The following RABGAP1 variants were observed in gnomAD, a reference collection of about 807,000 sequenced individuals.
RABGAP1 encodes the protein rab GTPase-activating protein 1.
RABGAP1 carries 23 observed loss-of-function variants against 137.6 expected under a neutral mutation model. That is an observed-to-expected ratio of 0.17 (90% CI 0.12 to 0.24). The LOEUF (loss-of-function observed/expected upper bound fraction) is 0.24, where lower values mean the gene tolerates loss of function less well. Among genes scored for constraint, RABGAP1 ranks in the 10% least tolerant of loss-of-function variants. The pLI is 1.00. For synonymous variants in RABGAP1, 451 were observed against 450.7 expected (o/e 1.00, Z -0.01); for missense variants, 906 against 1,275.8 (o/e 0.71, Z 4.42).
At chr9:122,999,885 A>T (rs1446346325) in intron 10 of RABGAP1, among the ~76,000 whole-genome samples, 2 of 151,654 alleles carry the variant, frequency 1.3e-5, no homozygotes, top group South Asian at 4.2e-4. Context: ...TTTTCTTCAG[A>T]TGGGATACTT....
At chr9:123,028,250 TA>T (rs1381906027) in intron 13 of RABGAP1, among the ~76,000 whole-genome samples, 1 of 152,166 alleles carries the variant, frequency 6.6e-6, no homozygotes, top group Non-Finnish European at 1.5e-5. Context: ...GTTTATTCAA[TA>T]AAAAATACCT....
intron 2 of RABGAP1, among the ~76,000 whole-genome samples, chr9:122,957,884 CT>C (rs143569135): frequency 0.24 from 31,302 of 132,892 alleles, 4,370 homozygotes; most frequent in East Asian, 0.65. Context: ...AGCTTTAATT[CT>C]TTTTTTTTTT....
chr9:123,098,532 C>T (rs192968000), intron 22 of RABGAP1, among the ~76,000 whole-genome samples, 183 bp from the exon 23 acceptor site: 46 of 152,302 alleles, frequency 3.0e-4, no homozygotes, highest in African/African-American at 1.0e-3. Context: ...ACTGTTCTCT[C>T]CCTCTCCTGC....
In RABGAP1 at chr9:123,098,772, A is replaced by C; in HGVS notation, c.2791A>C (p.Ser931Arg). 2 of 1,613,850 alleles carry C rather than the reference A, an allele frequency of 1.2e-6. No homozygotes were observed. Among genetic ancestry groups the C allele is most frequent in the Non-Finnish European group, 1.7e-6 (2 of 1,179,824 alleles). ...DKAESEIKKN[S>R]SIIGDYKQIC... ...GGCAGAATCTGAGATTAAAAAAAAC[A>C]GTTCTATCATTGGTGACTATAAGCA... Residue 931 changes from serine (S) to arginine (R), a missense_variant, in exon 23 of 26, where the codon AGT becomes CGT. This residue lies in a region of RABGAP1 where 193 missense variants were observed against 248.1 expected (regional missense o/e 0.78). Transcript: ENST00000373647.
At chr9:123,011,669 G>A (rs777021554) in intron 11 of RABGAP1, among the ~76,000 whole-genome samples, 6 of 152,082 alleles carry the variant, frequency 3.9e-5, no homozygotes, top group Non-Finnish European at 8.8e-5. Context: ...GCACATAAAT[G>A]GAATCTGGCC....
chr9:123,093,872 C>G (rs1018496952), intron 21 of RABGAP1, among the ~76,000 whole-genome samples: 12 of 152,216 alleles, frequency 7.9e-5, no homozygotes, highest in Non-Finnish European at 2.9e-5. Flanking sequence ...TTGGGGAGAA[C>G]TGACATCTGA....
At chr9:122,976,306 G>C (rs1835757520) in intron 2 of RABGAP1, among the ~76,000 whole-genome samples, 1 of 152,076 alleles carries the variant, frequency 6.6e-6, no homozygotes, top group Non-Finnish European at 1.5e-5. Flanking sequence ...GTAATTCTTA[G>C]TTGTACTATT....
At chr9:122,989,530 T>G in intron 5 of RABGAP1, 59 bp downstream of exon 5, 1 of 1,508,938 alleles carries the variant, frequency 6.6e-7, no homozygotes, top group Non-Finnish European at 9.2e-7. Context: ...CTCACTAGGT[T>G]GAAATGATTA....
intron 4 of RABGAP1, among the ~76,000 whole-genome samples, chr9:122,988,523 C>T (rs1396796396): frequency 7.2e-6 from 1 of 138,832 alleles, no homozygotes; most frequent in African/African-American, 2.6e-5. Flanking sequence ...GAGGAGTTAA[C>T]ATTTTGTATA....
chr9:122,935,431 G>C, the RABGAP1 span, among the ~76,000 whole-genome samples: 1 of 151,852 alleles, frequency 6.6e-6, no homozygotes, highest in Non-Finnish European at 1.5e-5. Flanking sequence ...TCTGCCTCCC[G>C]GGTTCAATTG....
At chr9:122,992,739 G>A (rs1457398929) in intron 6 of RABGAP1, among the ~76,000 whole-genome samples, 1 of 147,886 alleles carries the variant, frequency 6.8e-6, no homozygotes, top group Non-Finnish European at 1.5e-5. Context: ...TATAAATTAT[G>A]TAATAGTTAT....
At chr9:123,020,047 T>G (rs1367950171) in intron 12 of RABGAP1, among the ~76,000 whole-genome samples, 4 of 151,990 alleles carry the variant, frequency 2.6e-5, no homozygotes, top group East Asian at 1.9e-4. Context: ...GCTTTTTTTT[T>G]TTTTTTTTTT....
At chr9:123,091,556 A>G (rs941815117) in intron 21 of RABGAP1, among the ~76,000 whole-genome samples, 1 of 152,116 alleles carries the variant, frequency 6.6e-6, no homozygotes, top group Non-Finnish European at 1.5e-5. Context: ...ACCTTGTAAA[A>G]TGAGGGGTGG....
intron 11 of RABGAP1, among the ~76,000 whole-genome samples, chr9:123,010,779 T>C (rs1302779035): frequency 1.3e-5 from 2 of 152,198 alleles, no homozygotes; most frequent in African/African-American, 4.8e-5. Flanking sequence ...ATCAGTGTAG[T>C]GCTAGCTTGG....
chr9:123,086,057 C>G lies in RABGAP1; in HGVS notation c.2425-3701C>G, dbSNP rs533387228. Among the ~76,000 whole-genome samples the G allele has an allele frequency of 5.9e-5, 9 of 152,262 alleles. No individual in the cohort carries two copies. In the East Asian group the frequency reaches 1.5e-3, roughly 26 times the overall value. ...GGAAGACAGACAATTAAGTAGAAAC[C>G]TAAGTAATCGTGAGCTTGGATTGGT... On this transcript the variant is annotated intron_variant, in intron 19 of 25. Transcript: ENST00000373647.
At chr9:122,997,921 A>G (rs548922512) in intron 9 of RABGAP1, among the ~76,000 whole-genome samples, 2 of 152,294 alleles carry the variant, frequency 1.3e-5, no homozygotes, top group East Asian at 3.9e-4. Flanking sequence ...TGTTATTAAT[A>G]GCACTATAGA....
chr9:123,011,212 A>G (rs890476480), intron 11 of RABGAP1, among the ~76,000 whole-genome samples: 2 of 152,232 alleles, frequency 1.3e-5, no homozygotes, highest in East Asian at 1.9e-4. Flanking sequence ...CCATGCATCT[A>G]TATGTGAAGC....
At position 123,028,784 on chromosome 9, in the gene RABGAP1, A is replaced by T. The variant is rs1275116119; in HGVS notation, c.1794+8325A>T. Among the ~76,000 whole-genome samples the T allele has an allele frequency of 2.0e-5, 3 of 152,212 alleles. No homozygotes were observed. In the East Asian group the frequency reaches 5.8e-4, roughly 29 times the overall value. On this transcript the variant is annotated intron_variant, in intron 13 of 25. Coordinates refer to ENST00000373647, the MANE Select transcript of RABGAP1 (RefSeq NM_012197.4). The stretch of plus-strand genomic sequence containing the variant: ...ATCTAAAGGCAAATTGTCTTAATTC[A>T]GATCCTAGTTCTGCTGTATTCTAGC...
chr9:123,064,869 A>G (rs1309786547), intron 13 of RABGAP1, among the ~76,000 whole-genome samples: 1 of 152,196 alleles, frequency 6.6e-6, no homozygotes, highest in Non-Finnish European at 1.5e-5. Context: ...GTGCATTCTT[A>G]TGCCATTTGC....
Sources: gnomAD v4.1 joint callset for allele counts (sites outside exome capture counted in the v4.1 genomes callset) on GRCh38, gnomAD v4.1.1 for gene constraint, gnomAD v4.1.1 regional missense constraint, MANE v1.5 for transcripts, NCBI Gene and HGNC (gene_info 2026-07-23, HGNC 2026-07-21) for gene names.